Variants in PIK3C3 observed in about 807,000 individuals in gnomAD.
PIK3C3 encodes PI3-kinase type 3.
A neutral mutation model predicts 126.1 loss-of-function variants in PIK3C3; 95 were observed. The ratio of observed to expected loss-of-function variants is 0.75; its 90% CI spans 0.64 to 0.89. The LOEUF (loss-of-function observed/expected upper bound fraction) is 0.89, where lower values mean the gene tolerates loss of function less well. Ranked by LOEUF, PIK3C3 falls within the 40% of genes least tolerant of loss-of-function variation. The pLI is 0.00. For missense variants in PIK3C3, 829 were observed against 1,063.2 expected, an observed-to-expected ratio of 0.78 and a Z score of 3.06; for synonymous variants, 374 against 360.0, an observed-to-expected ratio of 1.04 and a Z score of -0.44.
At chr18:42,013,326 C>T (rs1367299369) in intron 10 of PIK3C3, 116 bp from the exon 11 acceptor site, 9 of 637,716 alleles carry the variant, frequency 1.4e-5, no homozygotes, top group Non-Finnish European at 2.6e-6. Flanking sequence ...AAAAGTAATA[C>T]AGCTGAAAAG....
Position 41,955,246 on chromosome 18 carries a change from C to T in PIK3C3, c.-46C>T. On this transcript the variant is annotated 5_prime_UTR_variant, in exon 1 of 25. Coordinates refer to ENST00000262039, the MANE Select transcript of PIK3C3 (RefSeq NM_002647.4). ...AGCTGGTTCATTTATGTTGTTTTTCCTGTACCTAAGTTCCCGCTGTAGGTG... is the reference window on the plus strand; with the variant it reads ...AGCTGGTTCATTTATGTTGTTTTTCTTGTACCTAAGTTCCCGCTGTAGGTG... 1 of 1,532,698 alleles carries T rather than the reference C, an allele frequency of 6.5e-7. No individual in the cohort carries two copies. Among genetic ancestry groups the T allele is most frequent in the Non-Finnish European group, 9.0e-7 (1 of 1,111,084 alleles). 94.9% of individuals were successfully genotyped at this position (1,532,698 alleles called of 1,614,324 possible).
intron 9 of PIK3C3, among the ~76,000 whole-genome samples, chr18:41,999,389 G>A (rs1982175754): frequency 6.6e-6 from 1 of 151,966 alleles, no homozygotes; most frequent in African/African-American, 2.4e-5. Context: ...TTATGCTTGG[G>A]GGAAAAAAGC....
At chr18:41,988,171 G>A (rs898157772) in intron 5 of PIK3C3, among the ~76,000 whole-genome samples, 1 of 152,088 alleles carries the variant, frequency 6.6e-6, no homozygotes, top group African/African-American at 2.4e-5. Flanking sequence ...TGCCTCAGTG[G>A]TGTGTTCTCT....
intron 3 of PIK3C3, among the ~76,000 whole-genome samples, chr18:41,966,181 T>C (rs1033212839): frequency 7.0e-6 from 1 of 142,136 alleles, no homozygotes; most frequent in African/African-American, 2.6e-5. Flanking sequence ...TTGTTCCTTT[T>C]TTTTTTTTTT....
At chr18:41,992,277 G>A (rs1371591298) in intron 6 of PIK3C3, among the ~76,000 whole-genome samples, 1 of 152,136 alleles carries the variant, frequency 6.6e-6, no homozygotes, top group Non-Finnish European at 1.5e-5. Context: ...TAGCCTTAGT[G>A]AAGATTACTT....
chr18:42,003,496 T>C (rs1306233379), intron 9 of PIK3C3, among the ~76,000 whole-genome samples: 3 of 152,192 alleles, frequency 2.0e-5, no homozygotes, highest in African/African-American at 7.2e-5. Context: ...AGGCTGGTCT[T>C]GAACTCCTGG....
chr18:42,057,813 G>A (rs1985138823), intron 21 of PIK3C3, 70 bp from the exon 22 acceptor site: 12 of 1,318,504 alleles, frequency 9.1e-6, no homozygotes, highest in East Asian at 2.3e-5. Flanking sequence ...TATATCAATT[G>A]TGTGACATAT....
At position 41,996,709 on chromosome 18, in the gene PIK3C3, T is replaced by C; in HGVS notation, c.963T>C (p.Tyr321=). The change falls in exon 9 of 25, where the codon TAT becomes TAC. Residue 321 remains tyrosine (Y), a synonymous_variant. Transcript: ENST00000262039. ...AAGATCTTGTTTGGAAGTTTAGATATTATCTTACGAATCAAGAAAAAGTGA... is the reference window on the plus strand; with the variant it reads ...AAGATCTTGTTTGGAAGTTTAGATACTATCTTACGAATCAAGAAAAAGTGA... ...EEQDLVWKFR[Y]YLTNQEKALT... is the part of the protein sequence containing the mutation. The C allele has an allele frequency of 6.4e-7, 1 of 1,560,662 alleles. No homozygotes were observed. The highest frequency in any genetic ancestry group is 8.7e-7 in the Non-Finnish European group (1 of 1,144,228).
rs759533616 is a variant in PIK3C3 at position 41,990,537 on chromosome 18, A to G, written c.697A>G (p.Ile233Val). 6 of 1,567,922 alleles carry G rather than the reference A, an allele frequency of 3.8e-6. No individual in the cohort carries two copies. Among genetic ancestry groups the G allele is most frequent in the Non-Finnish European group, 5.3e-6 (6 of 1,138,932 alleles). The change falls in exon 6 of 25, where the codon ATT (isoleucine) becomes GTT (valine). Residue 233 changes from isoleucine to valine, a missense_variant. Physicochemically the swap from Ile to Val is conservative, Grantham distance 29. Transcript: ENST00000262039. ...CVKCDDKEYG[I>V]VYYEKDGDES... is the part of the protein sequence containing the mutation. ...CAAGTGTGATGATAAGGAATATGGT[A>G]TTGTTTATTATGAAAAGGTATTTCC...
chr18:42,062,814 T>A (rs929636430), intron 22 of PIK3C3, among the ~76,000 whole-genome samples: 1 of 152,096 alleles, frequency 6.6e-6, no homozygotes, highest in African/African-American at 2.4e-5. Flanking sequence ...AAAATCCTGT[T>A]CCTCTTCCAT....
At chr18:41,977,079 T>G (rs1232758562) in intron 4 of PIK3C3, among the ~76,000 whole-genome samples, 2 of 152,202 alleles carry the variant, frequency 1.3e-5, no homozygotes, top group Non-Finnish European at 2.9e-5. Flanking sequence ...TGAAGCAGTG[T>G]CTACACTGCA....
At chr18:41,998,984 G>A (rs1982154916) in intron 9 of PIK3C3, among the ~76,000 whole-genome samples, 1 of 152,136 alleles carries the variant, frequency 6.6e-6, no homozygotes, top group African/African-American at 2.4e-5. Flanking sequence ...AGAGAAGGCA[G>A]TGCTCAGAAA....
At chr18:42,034,711 C>T (rs1983971028) in intron 16 of PIK3C3, among the ~76,000 whole-genome samples, 1 of 152,172 alleles carries the variant, frequency 6.6e-6, no homozygotes, top group Non-Finnish European at 1.5e-5. Flanking sequence ...TATCTGTCAG[C>T]ATCATACTGA....
chr18:42,085,917 C>T lies in PIK3C3; in HGVS notation c.*4780C>T. On this transcript the variant is annotated 3_prime_UTR_variant, in exon 25 of 25. Transcript: ENST00000262039. ...CCCGGGCAACATGGTGAAACTCCAT[C>T]TCTTCAAAAATATATATTTGTGTGT... 2 of 147,574 alleles carry T rather than the reference C, an allele frequency of 1.4e-5. 1 individual carries two copies. The highest frequency in any genetic ancestry group is 3.0e-5 in the Non-Finnish European group (2 of 67,658). 9.1% of individuals were successfully genotyped at this position (147,574 alleles called of 1,614,324 possible).
intron 3 of PIK3C3, among the ~76,000 whole-genome samples, chr18:41,966,526 C>T (rs1486469723): frequency 6.6e-6 from 1 of 152,016 alleles, no homozygotes; most frequent in African/African-American, 2.4e-5. Flanking sequence ...TAAACTTCCA[C>T]TTATTTTAAA....
chr18:41,977,180 G>T (rs1440167732), intron 4 of PIK3C3, among the ~76,000 whole-genome samples: 2 of 152,136 alleles, frequency 1.3e-5, no homozygotes, highest in African/African-American at 4.8e-5. Context: ...TCTATGCTAT[G>T]AAAGAATTGG....
chr18:41,960,917 T>C (rs1466625481), intron 2 of PIK3C3, among the ~76,000 whole-genome samples: 1 of 152,078 alleles, frequency 6.6e-6, no homozygotes, highest in Admixed American at 6.5e-5. Flanking sequence ...GATTTTTGTA[T>C]TTTTAGTAGA....
At chr18:41,988,671 A>G (rs1981619514) in intron 5 of PIK3C3, among the ~76,000 whole-genome samples, 1 of 152,172 alleles carries the variant, frequency 6.6e-6, no homozygotes, top group Non-Finnish European at 1.5e-5. Flanking sequence ...TTTACAGTGA[A>G]CTATTACAAA....
At chr18:42,035,781 C>A (rs775403558) in intron 16 of PIK3C3, among the ~76,000 whole-genome samples, 11 of 152,112 alleles carry the variant, frequency 7.2e-5, no homozygotes, top group Non-Finnish European at 1.5e-4. Context: ...TGCAGAGGAT[C>A]TGTGGACTCC....
Sources: allele counts gnomAD v4.1 joint callset (sites outside exome capture counted in the v4.1 genomes callset), GRCh38; gene constraint gnomAD v4.1.1; transcripts MANE v1.5; gene names NCBI Gene and HGNC (gene_info 2026-07-23, HGNC 2026-07-21).